Variants in MBOAT1 observed in about 807,000 individuals in gnomAD.
The protein encoded by MBOAT1 is membrane bound glycerophospholipid O-acyltransferase 1, also known as membrane-bound glycerophospholipid O-acyltransferase 1.
In MBOAT1, 67 loss-of-function variants were observed where a neutral mutation model predicts 64.4. The observed-to-expected ratio is 1.04, with a 90% CI of 0.85 to 1.27. MBOAT1 has a LOEUF of 1.27. Ranked by LOEUF, MBOAT1 falls within the 50% of genes most tolerant of loss-of-function variation. The pLI is 0.00. For synonymous variants in MBOAT1, 229 were observed against 218.9 expected (o/e 1.05, Z -0.41); for missense variants, 563 against 604.6 (o/e 0.93, Z 0.72).
chr6:20,175,674 G>A (rs1762323534), intron 1 of MBOAT1, among the ~76,000 whole-genome samples: 2 of 146,396 alleles, frequency 1.4e-5, no homozygotes, highest in East Asian at 4.0e-4. Context: ...ATTTCACTGT[G>A]TTGTCCAGAC....
rs1403899361 is a variant in MBOAT1 at position 20,100,573 on chromosome 6, T to C, written c.*1713A>G. Reference sequence around the variant, plus strand: ...TAGTACTCTCCCCCAGCACCAGGACTGTTTACATGCTGTAGAGGAACAGGC... The same window carrying C: ...TAGTACTCTCCCCCAGCACCAGGACCGTTTACATGCTGTAGAGGAACAGGC... On this transcript the variant is annotated 3_prime_UTR_variant, in exon 13 of 13. Transcript: ENST00000324607. 6.6e-6 allele frequency among the ~76,000 whole-genome samples: 1 copy of C among 152,184 alleles called. No homozygotes were observed. The highest frequency in any genetic ancestry group is 1.5e-5 in the Non-Finnish European group (1 of 68,036).
At chr6:20,196,009 A>G (rs1323766924) in intron 1 of MBOAT1, among the ~76,000 whole-genome samples, 1 of 152,216 alleles carries the variant, frequency 6.6e-6, no homozygotes, top group African/African-American at 2.4e-5. Flanking sequence ...GACACCTCAC[A>G]GGGATGAGGC....
chr6:20,118,395 C>T (rs1449410287), intron 9 of MBOAT1, 42 bp downstream of exon 9: 1 of 1,487,286 alleles, frequency 6.7e-7, no homozygotes, highest in South Asian at 1.1e-5. Flanking sequence ...AAATCATTTG[C>T]TTTCTTCACT....
chr6:20,130,042 A>C (rs1686809114), intron 5 of MBOAT1, among the ~76,000 whole-genome samples: 1 of 152,218 alleles, frequency 6.6e-6, no homozygotes, highest in Admixed American at 6.5e-5. Flanking sequence ...ATCAGTTCAC[A>C]AGCTTTAAGG....
intron 4 of MBOAT1, among the ~76,000 whole-genome samples, chr6:20,143,768 AAAAG>A (rs1236510346): frequency 6.6e-6 from 1 of 152,334 alleles, no homozygotes; most frequent in African/African-American, 2.4e-5. Context: ...AAAGTTTAAA[AAAAG>A]AGAGATGAAA....
intron 6 of MBOAT1, 83 bp from the exon 7 acceptor site, chr6:20,126,783 T>C: frequency 2.0e-6 from 2 of 992,198 alleles, no homozygotes; most frequent in Non-Finnish European, 3.0e-6. Context: ...ACACAAATGT[T>C]ATCTCTGTAG....
intron 11 of MBOAT1, 75 bp downstream of exon 11, chr6:20,112,801 T>A: frequency 6.7e-6 from 10 of 1,484,484 alleles, no homozygotes; most frequent in Non-Finnish European, 8.2e-6. Flanking sequence ...CAACCCCTAC[T>A]AGGACCCAAC....
rs6912664 is a variant in MBOAT1, at chr6:20,118,349, A to G, written c.1011+88T>C. 0.014 allele frequency: 15,035 copies of G among 1,046,372 alleles called. 1,282 individuals are homozygous for G. The African/African-American group carries it at 0.19, about 14-fold the overall frequency. The allele number at this position is 1,046,372 out of a possible 1,614,324, so 64.8% of individuals were successfully genotyped here. A position where few individuals can be genotyped will look rare whatever the true frequency, so the allele number is the denominator to read the frequency against. ...CTGAGAGCAGCTTTTCTTTGGACAC[A>G]TGGATGAAGCATTCTGGGGATACAA... On this transcript the variant is annotated intron_variant, in intron 9 of 12. Coordinates refer to ENST00000324607, the MANE Select transcript of MBOAT1 (RefSeq NM_001080480.3).
At chr6:20,112,751 G>T in intron 11 of MBOAT1, 125 bp downstream of exon 11, 1 of 1,058,066 alleles carries the variant, frequency 9.5e-7, no homozygotes. Context: ...CATATTGTTT[G>T]ATTTTTCAAA....
rs1038754570 is a variant in MBOAT1 at position 20,176,237 on chromosome 6, T to C, written c.100-23468A>G. Among the ~76,000 whole-genome samples, 9 of 152,068 alleles carry C rather than the reference T, an allele frequency of 5.9e-5. No homozygotes were observed. The East Asian group carries it at 1.7e-3, about 29-fold the overall frequency. On this transcript the variant is annotated intron_variant, in intron 1 of 12. Transcript: ENST00000324607. ...AGTTCAAGGTTACAGTGAGCTGTGA[T>C]TGCACCACCGCAGTAAATCCTGTGC...
chr6:20,137,187 G>A (rs1187727329), intron 4 of MBOAT1, among the ~76,000 whole-genome samples: 1 of 152,148 alleles, frequency 6.6e-6, no homozygotes, highest in Non-Finnish European at 1.5e-5. Context: ...TTCCAGAAGA[G>A]TTATGCCAGT....
chr6:20,163,533 T>C (rs996009591), intron 1 of MBOAT1, among the ~76,000 whole-genome samples: 40 of 152,108 alleles, frequency 2.6e-4, no homozygotes, highest in South Asian at 4.2e-4. Flanking sequence ...CATGGAGAGG[T>C]TAGAAAATTT....
intron 1 of MBOAT1, among the ~76,000 whole-genome samples, chr6:20,207,071 G>A (rs1485920242): frequency 6.6e-6 from 1 of 152,132 alleles, no homozygotes; most frequent in Non-Finnish European, 1.5e-5. Flanking sequence ...GAAAGGAGCT[G>A]CTGAAAGAAA....
chr6:20,143,189 A>T (rs903795931), intron 4 of MBOAT1, among the ~76,000 whole-genome samples: 1 of 152,216 alleles, frequency 6.6e-6, no homozygotes, highest in African/African-American at 2.4e-5. Context: ...CAGATCACGC[A>T]TCACCAGGAA....
chr6:20,205,111 A>G lies in MBOAT1; in HGVS notation c.99+7025T>C, dbSNP rs993784003. ...CTACTTGGGAAGCTGAGGCAGGAGG[A>G]TTGCTTGAGCTCAAGAGTTTGAGAC... is the stretch of plus-strand genomic sequence containing the variant. On this transcript the variant is annotated intron_variant, in intron 1 of 12. Coordinates refer to ENST00000324607, the MANE Select transcript of MBOAT1 (RefSeq NM_001080480.3). 2.6e-5 allele frequency among the ~76,000 whole-genome samples: 4 copies of G among 152,102 alleles called. 1 individual carries two copies. In the South Asian group the frequency reaches 6.2e-4, roughly 24 times the overall value.
intron 1 of MBOAT1, among the ~76,000 whole-genome samples, chr6:20,201,291 T>C (rs1249386305): frequency 6.8e-6 from 1 of 147,772 alleles, no homozygotes; most frequent in Non-Finnish European, 1.5e-5. Context: ...GCTCTGTATA[T>C]ACAGACATGA....
rs188209138 is a variant in MBOAT1 at position 20,178,215 on chromosome 6, C to T, written c.100-25446G>A. Among the ~76,000 whole-genome samples the T allele has an allele frequency of 9.8e-5, 15 of 152,302 alleles. No homozygotes were observed. In the East Asian group the frequency reaches 2.5e-3, roughly 25 times the overall value. ...ACCCCACTAAGCCAAGATGCAACTT[C>T]GTGTCTCCTACTGTGGTTTTTTTCT... On this transcript the variant is annotated intron_variant, in intron 1 of 12. Coordinates refer to ENST00000324607, the MANE Select transcript of MBOAT1 (RefSeq NM_001080480.3).
At chr6:20,161,960 C>T (rs1414648042) in intron 1 of MBOAT1, among the ~76,000 whole-genome samples, 1 of 152,066 alleles carries the variant, frequency 6.6e-6, no homozygotes, top group African/African-American at 2.4e-5. Flanking sequence ...AGGGTGTCGG[C>T]AGGGTTGGTT....
intron 6 of MBOAT1, among the ~76,000 whole-genome samples, chr6:20,128,405 C>T (rs112980787): frequency 0.069 from 10,533 of 152,016 alleles, 440 homozygotes; most frequent in South Asian, 0.13. Context: ...AGGACAGCCT[C>T]GCAGAGGTAC....
Sources: gnomAD v4.1 joint callset for allele counts (sites outside exome capture counted in the v4.1 genomes callset) on GRCh38, gnomAD v4.1.1 for gene constraint, MANE v1.5 for transcripts, NCBI Gene and HGNC (gene_info 2026-07-23, HGNC 2026-07-21) for gene names.